The following ENOX2 variants were observed in gnomAD, a reference collection of about 807,000 sequenced individuals.
The protein encoded by ENOX2 is APK1 antigen.
In ENOX2, 36 loss-of-function variants were observed where a neutral mutation model predicts 45.0. The ratio of observed to expected loss-of-function variants is 0.80; its 90% CI spans 0.61 to 1.06. The LOEUF (loss-of-function observed/expected upper bound fraction) is 1.06. Ranked by LOEUF, ENOX2 falls within the 50% of genes least tolerant of loss-of-function variation. The pLI is 0.00. For synonymous variants in ENOX2, 174 were observed against 152.3 expected, an observed-to-expected ratio of 1.14 and a Z score of -1.05; for missense variants, 423 against 462.5, an observed-to-expected ratio of 0.91 and a Z score of 0.78.
intron 2 of ENOX2, among the ~76,000 whole-genome samples, chrX:130,893,725 C>T (rs1261011724): frequency 8.9e-6 from 1 of 112,180 alleles, no homozygotes; most frequent in African/African-American, 3.2e-5. Flanking sequence ...TATTCATGTA[C>T]ATCTGGTACG....
At chrX:130,850,855 G>T (rs1248790785) in intron 2 of ENOX2, among the ~76,000 whole-genome samples, 1 of 111,545 alleles carries the variant, frequency 9.0e-6, no homozygotes, top group Non-Finnish European at 1.9e-5. Context: ...CAAGAAGGCA[G>T]CAGCTGCTTT....
intron 2 of ENOX2, among the ~76,000 whole-genome samples, chrX:130,843,281 G>C (rs761562760): frequency 9.0e-6 from 1 of 110,696 alleles, no homozygotes; most frequent in Non-Finnish European, 1.9e-5. Flanking sequence ...TCCAGTAACC[G>C]AGCCCTACGG....
chrX:130,631,805 G>GT (rs757104618), intron 12 of ENOX2, among the ~76,000 whole-genome samples: 1,243 of 94,878 alleles, frequency 0.013, 14 homozygotes, highest in African/African-American at 0.027. Flanking sequence ...ACCTTCACCA[G>GT]TTTTTTTTTT....
intron 2 of ENOX2, among the ~76,000 whole-genome samples, chrX:130,883,683 C>T (rs1209768277): frequency 9.0e-6 from 1 of 111,222 alleles, no homozygotes; most frequent in Non-Finnish European, 1.9e-5. Context: ...CAGCACACCA[C>T]GGACTGGTGT....
At chrX:130,861,371 G>T (rs192291192) in intron 2 of ENOX2, among the ~76,000 whole-genome samples, 10 of 110,943 alleles carry the variant, frequency 9.0e-5, no homozygotes, top group Admixed American at 1.9e-4. Context: ...AGATGAATGG[G>T]TAAAGAAAAG....
chrX:130,811,821 CAATA>C (rs1337658439), intron 2 of ENOX2, among the ~76,000 whole-genome samples: 1 of 111,570 alleles, frequency 9.0e-6, no homozygotes, highest in Non-Finnish European at 1.9e-5. Flanking sequence ...AATAAAAAAA[CAATA>C]AATGACCAAA....
chrX:130,668,956 A>C (rs2036909622), intron 7 of ENOX2, among the ~76,000 whole-genome samples: 1 of 112,158 alleles, frequency 8.9e-6, no homozygotes, highest in Admixed American at 9.5e-5. Context: ...CCAGTTTTTC[A>C]AAATGTACCA....
chrX:130,653,125 C>G (rs2036449832), intron 10 of ENOX2, among the ~76,000 whole-genome samples: 2 of 111,609 alleles, frequency 1.8e-5, no homozygotes, highest in Non-Finnish European at 3.8e-5. Flanking sequence ...GCACTAAAGA[C>G]TTAGGTATAT....
chrX:130,679,777 A>T, intron 5 of ENOX2, 29 bp from the exon 6 acceptor site: 1 of 1,095,453 alleles, frequency 9.1e-7, no homozygotes, highest in Non-Finnish European at 1.3e-6. Context: ...AACATTTGAA[A>T]TTAAAATGTT....
chrX:130,878,707 G>T lies in ENOX2; in HGVS notation c.-183+22977C>A, dbSNP rs78579940. 1.5e-3 allele frequency among the ~76,000 whole-genome samples: 168 copies of T among 111,725 alleles called. 6 individuals carry two copies. The East Asian group carries it at 0.036, about 24-fold the overall frequency. The stretch of plus-strand genomic sequence containing the variant: ...ATAGTCTTACTACCAATTAAAAAGG[G>T]ATTCTCACTACTATGCTCTAAGTTA... On this transcript the variant is annotated intron_variant, in intron 2 of 14. Transcript: ENST00000394363.
chrX:130,874,848 C>A (rs913080447), intron 2 of ENOX2, among the ~76,000 whole-genome samples: 4 of 110,863 alleles, frequency 3.6e-5, no homozygotes, highest in Non-Finnish European at 7.6e-5. Context: ...CCAACACATG[C>A]ATGCCCCCCC....
chrX:130,875,073 G>A (rs1425622194), intron 2 of ENOX2, among the ~76,000 whole-genome samples: 2 of 111,415 alleles, frequency 1.8e-5, no homozygotes, highest in East Asian at 5.6e-4. Flanking sequence ...TGGAGATTCT[G>A]GCTACTTTTT....
chrX:130,725,195 G>GT (rs748382026), intron 3 of ENOX2, among the ~76,000 whole-genome samples: 2 of 109,838 alleles, frequency 1.8e-5, no homozygotes, highest in African/African-American at 3.3e-5. Context: ...TGTTAAACAT[G>GT]TTTTTTTTCT....
intron 4 of ENOX2, among the ~76,000 whole-genome samples, chrX:130,701,324 C>T (rs892005576): frequency 9.1e-6 from 1 of 109,711 alleles, no homozygotes; most frequent in South Asian, 3.9e-4. Flanking sequence ...GGACACTCCA[C>T]AATATATATT....
chrX:130,632,504 G>A (rs1462168178), intron 12 of ENOX2, among the ~76,000 whole-genome samples: 1 of 110,155 alleles, frequency 9.1e-6, no homozygotes, highest in East Asian at 2.8e-4. Flanking sequence ...TTATAAATGT[G>A]AAGGCAAAGC....
chrX:130,871,206 A>C (rs1485769066), intron 2 of ENOX2, among the ~76,000 whole-genome samples: 2 of 111,577 alleles, frequency 1.8e-5, no homozygotes, highest in Non-Finnish European at 3.8e-5. Context: ...TGCATGTTTT[A>C]AGTTAGATAG....
chrX:130,730,519 C>T (rs958293849), intron 3 of ENOX2, among the ~76,000 whole-genome samples: 8 of 112,169 alleles, frequency 7.1e-5, no homozygotes, highest in African/African-American at 2.6e-4. Context: ...TTAAGATGGG[C>T]CTGTAAATCA....
chrX:130,696,027 G>A (rs757617653), intron 4 of ENOX2, among the ~76,000 whole-genome samples: 105 of 111,385 alleles, frequency 9.4e-4, no homozygotes, highest in Non-Finnish European at 1.3e-3. Flanking sequence ...CATCTGTCCC[G>A]TTTCCCCAAA....
intron 3 of ENOX2, among the ~76,000 whole-genome samples, chrX:130,750,275 G>A (rs1212058712): frequency 9.0e-6 from 1 of 110,721 alleles, no homozygotes; most frequent in Non-Finnish European, 1.9e-5. Context: ...TCATTTCTTT[G>A]TCTCAGTATC....
Sources: gnomAD v4.1 joint callset for allele counts (sites outside exome capture counted in the v4.1 genomes callset) on GRCh38, gnomAD v4.1.1 for gene constraint, MANE v1.5 for transcripts, NCBI Gene and HGNC (gene_info 2026-07-23, HGNC 2026-07-21) for gene names.